The following PRDM16 variants were observed in gnomAD, a reference collection of about 807,000 sequenced individuals.
PRDM16 encodes PR/SET domain 16, also known as histone-lysine N-methyltransferase PRDM16.
A neutral mutation model predicts 110.6 loss-of-function variants in PRDM16; 23 were observed. The observed-to-expected ratio is 0.21, with a 90% CI of 0.15 to 0.29. PRDM16 has a LOEUF of 0.29. Ranked by LOEUF, PRDM16 falls within the 10% of genes least tolerant of loss-of-function variation. The probability of loss-of-function intolerance (pLI) is 1.00; values close to 1 mark genes in which losing one functional copy is unlikely to be tolerated. For missense variants in PRDM16, 1,615 were observed against 1,794.3 expected (o/e 0.90, Z 1.81); for synonymous variants, 799 against 781.8 (o/e 1.02, Z -0.37).
chr1:3,316,902 G>A (rs754273236), intron 3 of PRDM16, among the ~76,000 whole-genome samples: 3 of 152,196 alleles, frequency 2.0e-5, no homozygotes, highest in African/African-American at 4.8e-5. Context: ...CCAGGAAGCC[G>A]ATCAGAGTGT....
chr1:3,305,286 G>C (rs1641288130), intron 3 of PRDM16, among the ~76,000 whole-genome samples: 1 of 152,232 alleles, frequency 6.6e-6, no homozygotes, highest in Non-Finnish European at 1.5e-5. Flanking sequence ...AGGCCCCCGG[G>C]AACCACACGT....
intron 3 of PRDM16, among the ~76,000 whole-genome samples, chr1:3,367,854 T>G (rs1263452650): frequency 6.6e-6 from 1 of 152,108 alleles, no homozygotes; most frequent in Non-Finnish European, 1.5e-5. Context: ...AAGGCAAGCT[T>G]GTCTTCAAAA....
At chr1:3,258,735 G>A (rs1445803912) in intron 3 of PRDM16, among the ~76,000 whole-genome samples, 1 of 152,202 alleles carries the variant, frequency 6.6e-6, no homozygotes, top group African/African-American at 2.4e-5. Context: ...GGAGATATTT[G>A]GAGAAAAAAG....
intron 1 of PRDM16, among the ~76,000 whole-genome samples, chr1:3,177,582 T>C (rs945106692): frequency 2.0e-5 from 3 of 152,134 alleles, no homozygotes; most frequent in Non-Finnish European, 4.4e-5. Flanking sequence ...GGCTGCATGC[T>C]CCGCGGCCCA....
rs1261784805 is a variant in PRDM16 at position 3,069,274 on chromosome 1, G to A, written c.15G>A (p.Ala5=). The A allele has an allele frequency of 1.5e-5, 24 of 1,562,688 alleles. No homozygotes were observed. The highest frequency in any genetic ancestry group is 2.1e-5 in the Non-Finnish European group (24 of 1,155,354). ...GAGCCGACACCATGCGATCCAAGGC[G>A]AGGGCGAGGAAGCTAGCCAAAAGTA... MRSK[A]RARKLAKSDG... The change falls in exon 1 of 17, where the codon GCG becomes GCA. Residue 5 remains alanine (A), a synonymous_variant. Transcript: ENST00000270722. This position sits in a 1 kb window ranked among gnomAD's most constrained non-coding sequence, Gnocchi z 6.1.
rs2100542153 is a variant in PRDM16 at position 3,353,048 on chromosome 1, G to C, written c.439-32104G>C. On this transcript the variant is annotated intron_variant, in intron 3 of 16. Transcript: ENST00000270722. This position sits in a 1 kb window ranked among gnomAD's most constrained non-coding sequence, Gnocchi z 5.4. ...CAGAGCAGTGCCCTGAGGAGGACCA[G>C]GCCTGGGGCTCTGGAGCCAGAAGTC... Among the ~76,000 whole-genome samples, 1 of 152,320 alleles carries C rather than the reference G, an allele frequency of 6.6e-6. No individual in the cohort carries two copies. Among genetic ancestry groups the C allele is most frequent in the African/African-American group, 2.4e-5 (1 of 41,572 alleles).
intron 8 of PRDM16, among the ~76,000 whole-genome samples, chr1:3,409,914 GGT>G (rs34133894): frequency 0.22 from 27,473 of 126,804 alleles, 3,262 homozygotes; most frequent in East Asian, 0.27. Context: ...TTGTGGGTGT[GGT>G]GTGTGTGTAT....
chr1:3,413,850 C>T (rs1312282100), intron 9 of PRDM16, among the ~76,000 whole-genome samples: 4 of 152,176 alleles, frequency 2.6e-5, no homozygotes, highest in Non-Finnish European at 5.9e-5. Context: ...AGGAGGTTTG[C>T]ATTGTGATTC....
intron 8 of PRDM16, among the ~76,000 whole-genome samples, chr1:3,409,925 ATG>A (rs1557659735): frequency 2.8e-4 from 18 of 63,762 alleles, no homozygotes; most frequent in African/African-American, 1.1e-3. Flanking sequence ...GTGTGTGTGT[ATG>A]TGCATGTGTG....
intron 3 of PRDM16, among the ~76,000 whole-genome samples, chr1:3,367,551 C>T (rs1040356683): frequency 3.3e-5 from 5 of 152,214 alleles, no homozygotes; most frequent in African/African-American, 1.2e-4. Flanking sequence ...TGGAATGTGA[C>T]AGCTGCCGGC....
chr1:3,423,251 G>C (rs1638491556), intron 12 of PRDM16, among the ~76,000 whole-genome samples: 1 of 152,132 alleles, frequency 6.6e-6, no homozygotes, highest in African/African-American at 2.4e-5. Flanking sequence ...CAGGCAGCCT[G>C]GGGAGTTGGG....
chr1:3,262,205 G>A (rs559624734), intron 3 of PRDM16, among the ~76,000 whole-genome samples: 1 of 152,260 alleles, frequency 6.6e-6, no homozygotes, highest in South Asian at 2.1e-4. Flanking sequence ...GGCTCTGTGT[G>A]CTAAGCACAG....
chr1:3,146,312 A>T (rs928536471), intron 1 of PRDM16, among the ~76,000 whole-genome samples: 1 of 152,260 alleles, frequency 6.6e-6, no homozygotes, highest in South Asian at 2.1e-4. Flanking sequence ...TTTGAAAAAG[A>T]TAAACAACTG....
chr1:3,421,258 C>T (rs896348354), intron 12 of PRDM16, among the ~76,000 whole-genome samples: 4 of 152,084 alleles, frequency 2.6e-5, no homozygotes, highest in Non-Finnish European at 4.4e-5. Context: ...CTCAGGGGCT[C>T]GGGGGCCCTG....
intron 3 of PRDM16, among the ~76,000 whole-genome samples, chr1:3,383,445 G>GC (rs1302489243): frequency 7.2e-5 from 11 of 152,206 alleles, no homozygotes; most frequent in Admixed American, 5.9e-4. Flanking sequence ...GAGACTCGAG[G>GC]CCCTCTGCCT....
At chr1:3,214,499 C>G (rs1638975122) in intron 2 of PRDM16, among the ~76,000 whole-genome samples, 1 of 152,162 alleles carries the variant, frequency 6.6e-6, no homozygotes, top group Non-Finnish European at 1.5e-5. Flanking sequence ...GAGTTCAAGA[C>G]CAGCCTGGCC....
Position 3,243,959 on chromosome 1 carries a change from T to C in PRDM16, c.388-128T>C, listed in dbSNP as rs1639730561. On this transcript the variant is annotated intron_variant, in intron 2 of 16. Transcript: ENST00000270722. The surrounding 1 kb of genome is among the most constrained non-coding windows in gnomAD (Gnocchi z 5.5). The stretch of plus-strand genomic sequence containing the variant: ...CAATGGAACCCTTCATTTCCTGCTG[T>C]GGAGAAGCCACTGGGTCCCACCCTG... The C allele has an allele frequency of 4.7e-6, 4 of 845,868 alleles. No individual in the cohort carries two copies. The highest frequency in any genetic ancestry group is 4.4e-5 in the South Asian group (3 of 67,650). The allele number at this position is 845,868 out of a possible 1,614,324, so 52.4% of individuals were successfully genotyped here.
chr1:3,165,447 T>C (rs867532430), intron 1 of PRDM16, among the ~76,000 whole-genome samples: 60 of 103,620 alleles, frequency 5.8e-4, no homozygotes, highest in South Asian at 1.7e-3. Context: ...TCACCTGGGC[T>C]CAGGGACAGT....
At chr1:3,287,073 G>T (rs1640861116) in intron 3 of PRDM16, among the ~76,000 whole-genome samples, 1 of 152,204 alleles carries the variant, frequency 6.6e-6, no homozygotes, top group African/African-American at 2.4e-5. Context: ...TGGCCCATGA[G>T]GTCCTGGGGG....
Sources: gnomAD v4.1 joint callset for allele counts (sites outside exome capture counted in the v4.1 genomes callset) on GRCh38, gnomAD v4.1.1 for gene constraint, Gnocchi (gnomAD v3.1) non-coding constraint, MANE v1.5 for transcripts, NCBI Gene and HGNC (gene_info 2026-07-23, HGNC 2026-07-21) for gene names.